METTL24: variants seen among roughly 807,000 people sequenced by gnomAD.
METTL24 encodes probable methyltransferase-like protein 24.
METTL24 carries 29 observed loss-of-function variants against 32.7 expected under a neutral mutation model. That is an observed-to-expected ratio of 0.89 (90% CI 0.66 to 1.21). METTL24 has a LOEUF of 1.21. Ranked by LOEUF, METTL24 falls within the 50% of genes most tolerant of loss-of-function variation. The probability of loss-of-function intolerance (pLI) is 0.00; values close to 1 mark genes in which losing one functional copy is unlikely to be tolerated. For missense variants in METTL24, 439 were observed against 468.1 expected, an observed-to-expected ratio of 0.94 and a Z score of 0.57; for synonymous variants, 163 against 179.5, an observed-to-expected ratio of 0.91 and a Z score of 0.73.
At chr6:110,344,168 A>C (rs1162376182) in intron 1 of METTL24, among the ~76,000 whole-genome samples, 1 of 152,230 alleles carries the variant, frequency 6.6e-6, no homozygotes, top group Non-Finnish European at 1.5e-5. Context: ...TTCAATGTTC[A>C]CTGCATGACA....
intron 4 of METTL24, among the ~76,000 whole-genome samples, chr6:110,292,617 CT>C (rs1380519825): frequency 3.3e-5 from 5 of 151,522 alleles, no homozygotes; most frequent in Non-Finnish European, 7.4e-5. Flanking sequence ...TGTTATTTGT[CT>C]TTTAATTTTG....
At chr6:110,252,589 CT>C (rs950268966) in intron 4 of METTL24, among the ~76,000 whole-genome samples, 1 of 152,224 alleles carries the variant, frequency 6.6e-6, no homozygotes, top group African/African-American at 2.4e-5. Context: ...GAGGCAACCA[CT>C]ATCTCCATAA....
chr6:110,302,593 ACACATATACACACACATATGTG>A (rs1771548657), intron 3 of METTL24, among the ~76,000 whole-genome samples: 1 of 113,890 alleles, frequency 8.8e-6, no homozygotes, highest in Non-Finnish European at 1.8e-5. Flanking sequence ...GTGTATATAT[ACACATATACACACACATATGTG>A]TATATATATA....
At chr6:110,309,377 G>A (rs1165140564) in intron 3 of METTL24, among the ~76,000 whole-genome samples, 4 of 152,060 alleles carry the variant, frequency 2.6e-5, no homozygotes, top group Non-Finnish European at 4.4e-5. Context: ...CACACTAGTG[G>A]GTAAAAACAC....
intron 4 of METTL24, among the ~76,000 whole-genome samples, chr6:110,262,323 AG>A (rs1375372527): frequency 6.6e-6 from 1 of 152,246 alleles, no homozygotes; most frequent in Non-Finnish European, 1.5e-5. Context: ...CTACCATCAG[AG>A]AATACTATAA....
chr6:110,290,178 A>T (rs572352061), intron 4 of METTL24, among the ~76,000 whole-genome samples: 5 of 152,242 alleles, frequency 3.3e-5, no homozygotes, highest in African/African-American at 9.6e-5. Context: ...CAGCCTCCCA[A>T]AGTGCTGGGA....
At chr6:110,266,695 T>G (rs920090739) in intron 4 of METTL24, among the ~76,000 whole-genome samples, 1 of 152,202 alleles carries the variant, frequency 6.6e-6, no homozygotes, top group African/African-American at 2.4e-5. Flanking sequence ...AATCTCAGTT[T>G]GAGGCAGCAT....
At chr6:110,262,474 A>T (rs1770754497) in intron 4 of METTL24, among the ~76,000 whole-genome samples, 1 of 152,232 alleles carries the variant, frequency 6.6e-6, no homozygotes, top group East Asian at 1.9e-4. Flanking sequence ...GACAATAATT[A>T]ATAGCTTACC....
intron 1 of METTL24, among the ~76,000 whole-genome samples, chr6:110,328,351 A>C (rs1772051840): frequency 6.6e-6 from 1 of 152,220 alleles, no homozygotes; most frequent in Non-Finnish European, 1.5e-5. Flanking sequence ...TGAGAGGCAA[A>C]TGTTTTCATT....
At chr6:110,312,785 G>C (rs559462638) in intron 3 of METTL24, among the ~76,000 whole-genome samples, 1 of 152,276 alleles carries the variant, frequency 6.6e-6, no homozygotes, top group East Asian at 1.9e-4. Context: ...GGGTGTCCAG[G>C]TTCTTGGCAT....
rs76178749 is a variant in METTL24, at chr6:110,335,956, A to G, written c.319-13084T>C. ...GTTTTATCGTCCCCAAAGCTAGTTG[A>G]TAATATAGACATGGCATGCCCAGTA... On this transcript the variant is annotated intron_variant, in intron 1 of 4. Transcript: ENST00000338882. 4.4e-3 allele frequency among the ~76,000 whole-genome samples: 668 copies of G among 152,280 alleles called. 14 individuals are homozygous for G. In the East Asian group the frequency reaches 0.055, roughly 12 times the overall value.
intron 4 of METTL24, among the ~76,000 whole-genome samples, chr6:110,260,640 A>T (rs923394160): frequency 6.6e-6 from 1 of 152,222 alleles, no homozygotes; most frequent in African/African-American, 2.4e-5. Context: ...CCTCGAGAAG[A>T]GCAACTCCAA....
chr6:110,302,585 G>GTA lies in METTL24; in HGVS notation c.558-3437_558-3436dup, dbSNP rs1219630557. On this transcript the variant is annotated intron_variant, in intron 3 of 4. Coordinates refer to ENST00000338882, the MANE Select transcript of METTL24 (RefSeq NM_001123364.3). ...TATACACACATACACACACATATGT[G>GTA]TATATATACACATATACACACACAT... Among the ~76,000 whole-genome samples the GTA allele has an allele frequency of 3.9e-4, 41 of 105,218 alleles. 1 individual carries two copies. The highest frequency in any genetic ancestry group is 7.1e-4 in the Admixed American group (8 of 11,198). The allele number at this position is 105,218 out of a possible 152,430, so 69.0% of individuals were successfully genotyped here.
chr6:110,265,198 A>T lies in METTL24; in HGVS notation c.787-18938T>A, dbSNP rs142858595. Among the ~76,000 whole-genome samples the T allele has an allele frequency of 2.1e-3, 260 of 124,386 alleles. 9 individuals carry two copies. In the East Asian group the frequency reaches 0.048, roughly 23 times the overall value. 81.6% of individuals were successfully genotyped at this position (124,386 alleles called of 152,430 possible). On this transcript the variant is annotated intron_variant, in intron 4 of 4. Coordinates refer to ENST00000338882, the MANE Select transcript of METTL24 (RefSeq NM_001123364.3). ...GAAAGAAAGAAAGAAAGAAAGAAAG[A>T]AAGTTAATATCCCTCTATGCCAAGA...
chr6:110,316,520 C>T (rs1377031144), intron 2 of METTL24, among the ~76,000 whole-genome samples: 5 of 152,222 alleles, frequency 3.3e-5, no homozygotes, highest in Admixed American at 6.5e-5. Context: ...GACCACAGAC[C>T]GCTCCAGATG....
At chr6:110,304,411 A>G (rs1252377094) in intron 3 of METTL24, among the ~76,000 whole-genome samples, 2 of 152,232 alleles carry the variant, frequency 1.3e-5, no homozygotes, top group Non-Finnish European at 1.5e-5. Flanking sequence ...CAAGGAAGCT[A>G]AGAACCTTGA....
intron 1 of METTL24, among the ~76,000 whole-genome samples, chr6:110,324,340 C>T (rs189186546): frequency 6.6e-6 from 1 of 152,290 alleles, no homozygotes; most frequent in East Asian, 1.9e-4. Flanking sequence ...TTGAAGGAGG[C>T]CTCCCTGGTT....
chr6:110,314,789 C>T lies in METTL24; in HGVS notation c.557+553G>A, dbSNP rs545369433. ...CCAACCTGGGCAACATGGCAAAACC[C>T]TGTCTCTACCAAAAATACAAAAAAT... On this transcript the variant is annotated intron_variant, in intron 3 of 4. Coordinates refer to ENST00000338882, the MANE Select transcript of METTL24 (RefSeq NM_001123364.3). Among the ~76,000 whole-genome samples, 305 of 152,090 alleles carry T rather than the reference C, an allele frequency of 2.0e-3. 2 individuals are homozygous for T. The highest frequency in any genetic ancestry group is 6.3e-3 in the African/African-American group (260 of 41,498).
chr6:110,332,881 C>T (rs940033484), intron 1 of METTL24, among the ~76,000 whole-genome samples: 1 of 151,332 alleles, frequency 6.6e-6, no homozygotes. Flanking sequence ...TGCACTCTAG[C>T]CTGGGCAACA....
Sources: gnomAD v4.1 joint callset for allele counts (sites outside exome capture counted in the v4.1 genomes callset) on GRCh38, gnomAD v4.1.1 for gene constraint, MANE v1.5 for transcripts, NCBI Gene and HGNC (gene_info 2026-07-23, HGNC 2026-07-21) for gene names.